The following SMARCA4 variants were observed in gnomAD, a reference collection of about 807,000 sequenced individuals.
SMARCA4 encodes SWI/SNF-related matrix-associated actin-dependent regulator of chromatin subfamily A member 4.
Under a neutral mutation model 193.9 loss-of-function variants are expected in SMARCA4, and 31 were observed. The observed-to-expected ratio is 0.16, with a 90% confidence interval of 0.12 to 0.22. The LOEUF (loss-of-function observed/expected upper bound fraction) is 0.22, where lower values mean the gene tolerates loss of function less well. Ranked by LOEUF, SMARCA4 falls within the 10% of genes least tolerant of loss-of-function variation. The probability of loss-of-function intolerance (pLI) is 1.00; values close to 1 mark genes in which losing one functional copy is unlikely to be tolerated. For missense variants in SMARCA4, 1,148 were observed against 2,296.0 expected, an observed-to-expected ratio of 0.50 and a Z score of 10.22; for synonymous variants, 942 against 933.1, an observed-to-expected ratio of 1.01 and a Z score of -0.17.
intron 1 of SMARCA4, among the ~76,000 whole-genome samples, chr19:10,974,908 G>A (rs958064006): frequency 1.3e-5 from 2 of 149,018 alleles, no homozygotes; most frequent in African/African-American, 4.9e-5. Context: ...GTTTCACCAC[G>A]TTTGCCAGGC....
intron 15 of SMARCA4, among the ~76,000 whole-genome samples, chr19:11,011,468 G>A (rs1364024078): frequency 6.6e-6 from 1 of 152,066 alleles, no homozygotes; most frequent in African/African-American, 2.4e-5. Context: ...CAGGTGATCC[G>A]CCCACCTTGG....
chr19:11,054,466 A>G (rs908882525), intron 30 of SMARCA4, among the ~76,000 whole-genome samples: 3 of 152,172 alleles, frequency 2.0e-5, no homozygotes, highest in Non-Finnish European at 4.4e-5. Context: ...TGGGGGAAGG[A>G]CTGACAGGAG....
chr19:11,017,093 C>T (rs1368739043), intron 16 of SMARCA4, among the ~76,000 whole-genome samples: 12 of 152,178 alleles, frequency 7.9e-5, no homozygotes, highest in Non-Finnish European at 1.2e-4. Context: ...GCCTTCTCTG[C>T]CTCGGCATCT....
intron 29 of SMARCA4, among the ~76,000 whole-genome samples, chr19:11,036,391 T>C (rs1041433978): frequency 2.4e-4 from 37 of 152,158 alleles, no homozygotes; most frequent in African/African-American, 8.4e-4. Flanking sequence ...TCCTGAGTAG[T>C]TCAGACTACA....
intron 6 of SMARCA4, among the ~76,000 whole-genome samples, chr19:10,988,753 AG>A (rs2086289340): frequency 6.6e-6 from 1 of 152,096 alleles, no homozygotes; most frequent in African/African-American, 2.4e-5. Context: ...TTTTCTAATG[AG>A]ACTGAGAGTT....
rs752850198 is a variant in SMARCA4 at position 11,003,055 on chromosome 19, C to T, written c.1839C>T (p.Ser613=). 3.7e-6 allele frequency: 6 copies of T among 1,613,916 alleles called. No individual in the cohort carries two copies. The Admixed American group carries it at 6.7e-5, about 18-fold the overall frequency. Residue 613 remains serine (S), a synonymous_variant, in exon 12 of 35, where the codon AGC becomes AGT. Transcript: ENST00000344626. ...GEPLDETSQM[S]DLPVKVIHVE... ...CTCTGGACGAGACCAGCCAGATGAGCGACCTCCCGGTGAAGGTGATCCACG... is the reference window on the plus strand; with the variant it reads ...CTCTGGACGAGACCAGCCAGATGAGTGACCTCCCGGTGAAGGTGATCCACG...
At chr19:10,992,651 C>T (rs1053792494) in intron 8 of SMARCA4, among the ~76,000 whole-genome samples, 2 of 151,682 alleles carry the variant, frequency 1.3e-5, no homozygotes, top group African/African-American at 4.8e-5. Flanking sequence ...TGCAGTGGTG[C>T]GATCTTGGTT....
At position 10,962,613 on chromosome 19, in the gene SMARCA4, G is replaced by A. The variant is rs544728591; in HGVS notation, c.-32+1439G>A. Among the ~76,000 whole-genome samples the A allele has an allele frequency of 2.6e-5, 4 of 152,220 alleles. No homozygotes were observed. In the East Asian group the frequency reaches 7.7e-4, roughly 29 times the overall value. ...GCTGGAGTTCAGAGTCCCAATCTCC[G>A]CTCACTGTAACCTCCGCCTCCTGGG... On this transcript the variant is annotated intron_variant, in intron 1 of 34. Transcript: ENST00000344626.
chr19:10,991,841 A>G (rs1358909374), intron 8 of SMARCA4, among the ~76,000 whole-genome samples: 1 of 152,160 alleles, frequency 6.6e-6, no homozygotes, highest in Non-Finnish European at 1.5e-5. Flanking sequence ...CAGGTGATGC[A>G]GGGCCTTGCG....
In SMARCA4 at chr19:10,994,409, C is replaced by T. The variant is rs185427909; in HGVS notation, c.1420-419C>T. 7.5e-4 allele frequency among the ~76,000 whole-genome samples: 113 copies of T among 150,406 alleles called. 1 individual carries two copies. Among genetic ancestry groups the T allele is most frequent in the African/African-American group, 2.5e-3 (101 of 40,774 alleles). On this transcript the variant is annotated intron_variant, in intron 8 of 34. Transcript: ENST00000344626. ...CACGATCTCGGCTCACTGCAAGCTCCGCCTCCCGGGTTCACGCCATTCTCC... is the reference window on the plus strand; with the variant it reads ...CACGATCTCGGCTCACTGCAAGCTCTGCCTCCCGGGTTCACGCCATTCTCC...
intron 13 of SMARCA4, 100 bp from the exon 14 acceptor site, chr19:11,007,802 G>T: frequency 7.9e-7 from 1 of 1,258,846 alleles, no homozygotes; most frequent in Non-Finnish European, 1.2e-6. Context: ...GGTGAGGGCT[G>T]TAAGAAGATC....
At position 11,034,878 on chromosome 19, in the gene SMARCA4, T is replaced by G; in HGVS notation, c.3952-36T>G. ...CTCTAGCGTGCCCCTGGTGCCTGCA[T>G]GCTGATGCCTCTCCCGTTGCCTCCC... On this transcript the variant is annotated intron_variant, in intron 28 of 34. Transcript: ENST00000344626. This position sits in a 1 kb window ranked among gnomAD's most constrained non-coding sequence, Gnocchi z 7.0. 1 of 1,437,462 alleles carries G rather than the reference T, an allele frequency of 7.0e-7. No homozygotes were observed. Among genetic ancestry groups the G allele is most frequent in the Non-Finnish European group, 9.5e-7 (1 of 1,048,762 alleles). The allele number at this position is 1,437,462 out of a possible 1,614,324, so 89.0% of individuals were successfully genotyped here. A position where few individuals can be genotyped will look rare whatever the true frequency, so the allele number is the denominator to read the frequency against.
chr19:11,039,509 C>G (rs2146776444), intron 29 of SMARCA4: 1 of 1,600,994 alleles, frequency 6.2e-7, no homozygotes, highest in Non-Finnish European at 8.5e-7. Context: ...GGCACGTGGG[C>G]TACAATTCCA....
At chr19:10,995,038 T>C (rs1307776590) in intron 9 of SMARCA4, 37 bp downstream of exon 9, 1 of 1,570,270 alleles carries the variant, frequency 6.4e-7, no homozygotes, top group South Asian at 1.2e-5. Context: ...CTCTTCTACA[T>C]GTGTAGCTGG....
chr19:11,004,253 ATTT>A (rs34759650), intron 13 of SMARCA4, among the ~76,000 whole-genome samples: 4 of 133,162 alleles, frequency 3.0e-5, no homozygotes, highest in South Asian at 2.3e-4. Context: ...TTGACTGGTG[ATTT>A]TTTTTTTTTT....
In SMARCA4 at chr19:10,988,396, C is replaced by T. The variant is rs146359717; in HGVS notation, c.1118+472C>T. On this transcript the variant is annotated intron_variant, in intron 6 of 34. Transcript: ENST00000344626. ...TGCTGGGATTACAGGCATGAGCCAC[C>T]GCACCTGGCATGAATTCTCTTTTTA... Among the ~76,000 whole-genome samples, 263 of 152,290 alleles carry T rather than the reference C, an allele frequency of 1.7e-3. 1 individual carries two copies. Among genetic ancestry groups the T allele is most frequent in the Middle Eastern group, 6.8e-3 (2 of 294 alleles).
At chr19:10,994,175 G>A (rs1325399840) in intron 8 of SMARCA4, among the ~76,000 whole-genome samples, 2 of 152,006 alleles carry the variant, frequency 1.3e-5, no homozygotes, top group Admixed American at 1.3e-4. Context: ...GAGTAGCTGG[G>A]ATTACAGGCA....
chr19:10,984,340 G>A lies in SMARCA4; in HGVS notation c.189G>A (p.Gly63=), dbSNP rs1555751018. ...CCATCCCCACCCAGGGGCCTGGAGG[G>A]TACCCTCAGGACAACATGCACCAGA... ...GHPIPTQGPG[G]YPQDNMHQMH... is the part of the protein sequence containing the mutation. The change falls in exon 2 of 35, where the codon GGG becomes GGA. Residue 63 remains glycine, a synonymous_variant. Transcript: ENST00000344626. The surrounding 1 kb of genome is among the most constrained non-coding windows in gnomAD (Gnocchi z 4.3). 1 of 1,596,980 alleles carries A rather than the reference G, an allele frequency of 6.3e-7. No individual in the cohort carries two copies. Among genetic ancestry groups the A allele is most frequent in the Non-Finnish European group, 8.5e-7 (1 of 1,171,934 alleles).
chr19:11,035,252 GGCCAGGCTCCGCAGGCAGCCGAGA>G, intron 29 of SMARCA4, 120 bp downstream of exon 29: 1 of 948,560 alleles, frequency 1.1e-6, no homozygotes, highest in Non-Finnish European at 1.7e-6. Context: ...GGCCACTCCT[GGCCAGGCTCCGCAGGCAGCCGAGA>G]GCCTTCCGAT....
Sources: allele counts gnomAD v4.1 joint callset (sites outside exome capture counted in the v4.1 genomes callset), GRCh38; gene constraint gnomAD v4.1.1; non-coding constraint Gnocchi (gnomAD v3.1); transcripts MANE v1.5; gene names NCBI Gene and HGNC (gene_info 2026-07-23, HGNC 2026-07-21).